SAMD8: variants seen among roughly 807,000 people sequenced by gnomAD.
SAMD8 encodes the protein sterile alpha motif domain containing 8, also known as sphingomyelin synthase-related protein 1.
SAMD8 carries 20 observed loss-of-function variants against 42.0 expected under a neutral mutation model. The observed-to-expected ratio is 0.48, with a 90% confidence interval of 0.34 to 0.69. The LOEUF (loss-of-function observed/expected upper bound fraction) is 0.69, where lower values mean the gene tolerates loss of function less well. Among genes scored for constraint, SAMD8 ranks in the 30% least tolerant of loss-of-function variants. SAMD8 has a pLI of 0.01. For missense variants in SAMD8, 328 were observed against 511.6 expected (o/e 0.64, Z 3.46); for synonymous variants, 162 against 173.0 (o/e 0.94, Z 0.50).
upstream of SAMD8, chr10:75,108,254 A>C: frequency 2.6e-6 from 4 of 1,549,788 alleles, no homozygotes; most frequent in Non-Finnish European, 3.5e-6. Flanking sequence ...AAGCCATGGG[A>C]CCAGGAGGGA....
chr10:75,150,858 C>T lies in SAMD8; in HGVS notation c.330C>T (p.Leu110=), dbSNP rs1840273166. The change falls in exon 2 of 6, where the codon CTC becomes CTT. Residue 110 remains leucine (L), a synonymous_variant. Coordinates refer to ENST00000542569, the MANE Select transcript of SAMD8 (RefSeq NM_001174156.2). ...GTGCTCTTCAGAGTACAGACTGGCT[C>T]TGTAATGGGGAGCTTTCCCATGACT... ...FISALQSTDW[L]CNGELSHDCD... is the part of the protein sequence containing the mutation. The T allele has an allele frequency of 6.2e-7, 1 of 1,613,860 alleles. No individual in the cohort carries two copies. Among genetic ancestry groups the T allele is most frequent in the Non-Finnish European group, 8.5e-7 (1 of 1,179,874 alleles).
In SAMD8 at chr10:75,177,770, T is replaced by C. The variant is rs903774702; in HGVS notation, c.*1078T>C. 6.6e-6 allele frequency: 1 copy of C among 152,252 alleles called. No homozygotes were observed. Among genetic ancestry groups the C allele is most frequent in the African/African-American group, 2.4e-5 (1 of 41,468 alleles). 9.4% of individuals were successfully genotyped at this position (152,252 alleles called of 1,614,324 possible). On this transcript the variant is annotated 3_prime_UTR_variant, in exon 6 of 6. Transcript: ENST00000542569. ...TTTTACTTTTAAATATAATGGTGTA[T>C]ATACATTCTTTCTATTTAGTCTTAA...
intron 4 of SAMD8, among the ~76,000 whole-genome samples, chr10:75,170,578 G>A (rs1162305924): frequency 2.6e-5 from 4 of 151,686 alleles, no homozygotes. Context: ...AAAAGGAAAA[G>A]TAATTTTTTC....
chr10:75,140,966 C>T (rs1839996957), intron 1 of SAMD8, among the ~76,000 whole-genome samples: 1 of 152,006 alleles, frequency 6.6e-6, no homozygotes, highest in South Asian at 2.1e-4. Flanking sequence ...TCAGATTTAT[C>T]CCTGAGTATT....
chr10:75,124,949 T>TTTTG lies in SAMD8; in HGVS notation c.-16+13239_-16+13242dup, dbSNP rs567334581. Among the ~76,000 whole-genome samples, 517 of 152,040 alleles carry TTTTG rather than the reference T, an allele frequency of 3.4e-3. 2 individuals are homozygous for TTTTG. Among genetic ancestry groups the TTTTG allele is most frequent in the African/African-American group, 0.012 (477 of 41,472 alleles). ...CAGCTAATTTTTTTGTTGTTGTTGT[T>TTTTG]TTTGTTTGTTTGTTTTTTACAGAGA... On this transcript the variant is annotated intron_variant, in intron 1 of 5. Transcript: ENST00000542569.
chr10:75,125,812 A>G (rs76397702), intron 1 of SAMD8: 2 of 152,308 alleles, frequency 1.3e-5, no homozygotes, highest in East Asian at 3.9e-4. Flanking sequence ...AGGACCAAAC[A>G]TGTCTACCTG....
chr10:75,112,929 C>T (rs137880727), intron 1 of SAMD8, among the ~76,000 whole-genome samples: 266 of 152,254 alleles, frequency 1.7e-3, no homozygotes, highest in African/African-American at 6.1e-3. Flanking sequence ...ACAGTCTAGG[C>T]GCAATACCAA....
intron 2 of SAMD8, among the ~76,000 whole-genome samples, chr10:75,157,542 GT>G (rs1840440605): frequency 6.6e-6 from 1 of 152,042 alleles, no homozygotes; most frequent in South Asian, 2.1e-4. Context: ...TCTCCTGATT[GT>G]TTTTATTTTC....
intron 1 of SAMD8, among the ~76,000 whole-genome samples, chr10:75,114,692 C>T (rs1848837990): frequency 6.6e-6 from 1 of 152,098 alleles, no homozygotes; most frequent in African/African-American, 2.4e-5. Context: ...AAGATTTTTA[C>T]TTCCAGGCCT....
intron 1 of SAMD8, among the ~76,000 whole-genome samples, chr10:75,113,696 T>A (rs1848819959): frequency 7.2e-5 from 11 of 152,244 alleles, no homozygotes; most frequent in Admixed American, 7.2e-4. Context: ...GATATGTGAA[T>A]TCTTAGCTAA....
intron 1 of SAMD8, among the ~76,000 whole-genome samples, chr10:75,142,411 C>T (rs1237636255): frequency 6.6e-6 from 1 of 152,008 alleles, no homozygotes; most frequent in Non-Finnish European, 1.5e-5. Flanking sequence ...TTATAAATCC[C>T]ACAGTACATT....
chr10:75,142,123 T>C (rs549999010), intron 1 of SAMD8, among the ~76,000 whole-genome samples: 1 of 152,032 alleles, frequency 6.6e-6, no homozygotes, highest in South Asian at 2.1e-4. Flanking sequence ...AATTTTTGTA[T>C]TTTTAGTAGA....
chr10:75,117,958 G>GGA (rs1201336621), intron 1 of SAMD8, among the ~76,000 whole-genome samples: 1 of 152,164 alleles, frequency 6.6e-6, no homozygotes, highest in East Asian at 1.9e-4. Context: ...CTCATTGAGG[G>GGA]GAGACAGTTC....
At position 75,159,725 on chromosome 10, in the gene SAMD8, A is replaced by G. The variant is rs896866365; in HGVS notation, c.579-4920A>G. 1.4e-4 allele frequency among the ~76,000 whole-genome samples: 22 copies of G among 152,180 alleles called. 1 individual carries two copies. Among genetic ancestry groups the G allele is most frequent in the Admixed American group, 6.5e-5 (1 of 15,274 alleles). ...TTAGATTGGACCTACACTGTCCCAA[A>G]TTACCCATAAGCCTGAGCGAAAGTT... On this transcript the variant is annotated intron_variant, in intron 2 of 5. Transcript: ENST00000542569.
At chr10:75,108,730 C>T (rs1439747749), upstream of SAMD8, among the ~76,000 whole-genome samples, 1 of 152,202 alleles carries the variant, frequency 6.6e-6, no homozygotes, top group Non-Finnish European at 1.5e-5. Context: ...ATTTCCTGGG[C>T]CTCTGCCTCT....
At chr10:75,150,412 T>C in intron 1 of SAMD8, 102 bp from the exon 2 acceptor site, 1 of 1,464,928 alleles carries the variant, frequency 6.8e-7, no homozygotes, top group Non-Finnish European at 9.0e-7. Context: ...CATGAGCCAC[T>C]GCGCCTGGCC....
chr10:75,154,384 G>A (rs1213118090), intron 2 of SAMD8, among the ~76,000 whole-genome samples: 1 of 152,160 alleles, frequency 6.6e-6, no homozygotes, highest in Non-Finnish European at 1.5e-5. Context: ...AGGAAGTAAG[G>A]AAGAAATCAT....
chr10:75,111,132 A>G (rs1181525094), upstream of SAMD8, among the ~76,000 whole-genome samples: 7 of 152,294 alleles, frequency 4.6e-5, no homozygotes, highest in Admixed American at 6.5e-5. Flanking sequence ...GGATTAAATG[A>G]GATGTTTATA....
At chr10:75,126,942 C>A (rs1289035185) in intron 1 of SAMD8, among the ~76,000 whole-genome samples, 1 of 151,358 alleles carries the variant, frequency 6.6e-6, no homozygotes, top group Non-Finnish European at 1.5e-5. Context: ...AATCCCAGCA[C>A]TTTGGGAAGC....
Sources: gnomAD v4.1 joint callset for allele counts (sites outside exome capture counted in the v4.1 genomes callset) on GRCh38, gnomAD v4.1.1 for gene constraint, MANE v1.5 for transcripts, NCBI Gene and HGNC (gene_info 2026-07-23, HGNC 2026-07-21) for gene names.